Variants in RIPOR3 observed in about 807,000 individuals in gnomAD.
RIPOR3 encodes family with sequence similarity 65 member C.
RIPOR3 carries 95 observed loss-of-function variants against 114.3 expected under a neutral mutation model. That is an observed-to-expected ratio of 0.83 (90% CI 0.70 to 0.99). RIPOR3 has a LOEUF of 0.99. Among genes scored for constraint, RIPOR3 ranks in the 50% least tolerant of loss-of-function variants. The pLI is 0.00. For missense variants in RIPOR3, 1,252 were observed against 1,266.9 expected, an observed-to-expected ratio of 0.99 and a Z score of 0.18; for synonymous variants, 575 against 543.8, an observed-to-expected ratio of 1.06 and a Z score of -0.80.
chr20:50,619,256 G>C (rs1228015015), intron 3 of RIPOR3, among the ~76,000 whole-genome samples: 1 of 150,620 alleles, frequency 6.6e-6, no homozygotes, highest in African/African-American at 2.4e-5. Context: ...TGGGCAACAA[G>C]AGCAAAACTC....
chr20:50,608,782 TC>T (rs1568850921), intron 9 of RIPOR3, 44 bp from the exon 10 acceptor site: 2 of 1,612,476 alleles, frequency 1.2e-6, no homozygotes, highest in African/African-American at 2.7e-5. Flanking sequence ...CAGGTGGGTG[TC>T]CCCTTGCTGT....
At chr20:50,587,590 C>T (rs35594732) in intron 21 of RIPOR3, among the ~76,000 whole-genome samples, 71 of 152,318 alleles carry the variant, frequency 4.7e-4, no homozygotes, top group African/African-American at 1.6e-3. Flanking sequence ...AAGAAGACAG[C>T]GAACACTCCC....
intron 1 of RIPOR3, among the ~76,000 whole-genome samples, chr20:50,688,170 A>G (rs943854929): frequency 4.6e-5 from 7 of 152,064 alleles, no homozygotes; most frequent in African/African-American, 1.7e-4. Flanking sequence ...TATTTTTTTG[A>G]GACAGTGTCT....
chr20:50,667,724 T>G (rs750351884), intron 1 of RIPOR3, among the ~76,000 whole-genome samples: 6 of 152,156 alleles, frequency 3.9e-5, no homozygotes, highest in Admixed American at 1.3e-4. Context: ...CCCTTGAAGC[T>G]TTTCCTAGAG....
At chr20:50,650,151 C>T (rs545391477) in intron 1 of RIPOR3, among the ~76,000 whole-genome samples, 1 of 152,248 alleles carries the variant, frequency 6.6e-6, no homozygotes, top group African/African-American at 2.4e-5. Flanking sequence ...CCTCTCATTT[C>T]ATCCCCACGT....
intron 6 of RIPOR3, among the ~76,000 whole-genome samples, chr20:50,610,003 CCCTGCCTCA>C (rs1568854682): frequency 9.8e-5 from 12 of 122,862 alleles, no homozygotes; most frequent in African/African-American, 3.0e-4. Flanking sequence ...CACCTGCCAC[CCCTGCCTCA>C]CCTGCCACCC....
At chr20:50,599,673 G>A (rs2083429633) in intron 13 of RIPOR3, among the ~76,000 whole-genome samples, 1 of 152,146 alleles carries the variant, frequency 6.6e-6, no homozygotes, top group Non-Finnish European at 1.5e-5. Context: ...ATTGAAACAG[G>A]AAGGCAAAGC....
In RIPOR3 at chr20:50,594,695, C is replaced by A; in HGVS notation, c.2070G>T (p.Arg690=). The change falls in exon 17 of 22, where the codon CGG becomes CGT. Residue 690 remains arginine (R), a synonymous_variant. Coordinates refer to ENST00000327979, the MANE Select transcript of RIPOR3 (RefSeq NM_001290268.2). ...SIEEIIPQAS[R]TKGCLKLWRG... is the part of the protein sequence containing the mutation. Reference sequence around the variant, plus strand: ...TCCACAGCTTCAGGCACCCCTTCGTCCGCGAGGCCTGTGGGATGACTGAAA... The same window carrying A: ...TCCACAGCTTCAGGCACCCCTTCGTACGCGAGGCCTGTGGGATGACTGAAA... 6.2e-7 allele frequency: 1 copy of A among 1,611,856 alleles called. No individual in the cohort carries two copies. Among genetic ancestry groups the A allele is most frequent in the South Asian group, 1.1e-5 (1 of 91,022 alleles).
chr20:50,660,652 C>T (rs1248065512), intron 1 of RIPOR3, among the ~76,000 whole-genome samples: 2 of 152,130 alleles, frequency 1.3e-5, no homozygotes, highest in East Asian at 3.9e-4. Context: ...GAGACAAACA[C>T]CCCCTATCCA....
chr20:50,602,424 A>C lies in RIPOR3; in HGVS notation c.1307T>G (p.Phe436Cys). Residue 436 changes from phenylalanine to cysteine, a missense_variant, in exon 13 of 22, where the codon TTC (phenylalanine) becomes TGC (cysteine). Transcript: ENST00000327979. The surrounding 1 kb of genome is among the most constrained non-coding windows in gnomAD (Gnocchi z 4.3). ...CTCTTCAATGGAGGCGTGGGGACCG[A>C]AGGTCAAGGGCAGGAAGCCCACATC... ...TSDVGFLPLT[F>C]GPHASIEEEA... is the part of the protein sequence containing the mutation. 1 of 1,600,838 alleles carries C rather than the reference A, an allele frequency of 6.2e-7. No homozygotes were observed. The highest frequency in any genetic ancestry group is 1.1e-5 in the South Asian group (1 of 90,174).
intron 1 of RIPOR3, among the ~76,000 whole-genome samples, chr20:50,634,639 C>T (rs540907743): frequency 6.6e-6 from 1 of 152,340 alleles, no homozygotes; most frequent in Admixed American, 6.5e-5. Flanking sequence ...GGCTGTGCAG[C>T]CCAAGAGGAA....
intron 1 of RIPOR3, among the ~76,000 whole-genome samples, chr20:50,659,552 C>T (rs1393699976): frequency 3.4e-5 from 5 of 148,164 alleles, no homozygotes; most frequent in South Asian, 2.1e-4. Flanking sequence ...GAGGCTGAGG[C>T]GGAAGAATCA....
chr20:50,624,456 C>T (rs563204827), intron 2 of RIPOR3, among the ~76,000 whole-genome samples: 111 of 152,320 alleles, frequency 7.3e-4, no homozygotes, highest in Admixed American at 6.2e-3. Flanking sequence ...CTTATACCCT[C>T]GCTGCTGCAG....
chr20:50,634,666 C>T (rs1251231093), intron 1 of RIPOR3, among the ~76,000 whole-genome samples: 1 of 152,244 alleles, frequency 6.6e-6, no homozygotes, highest in Non-Finnish European at 1.5e-5. Flanking sequence ...GGAATAATAA[C>T]AGTAATACTA....
chr20:50,675,440 G>A (rs1284803186), intron 1 of RIPOR3, among the ~76,000 whole-genome samples: 1 of 152,198 alleles, frequency 6.6e-6, no homozygotes, highest in Non-Finnish European at 1.5e-5. Flanking sequence ...CCATGTTACA[G>A]AGAGAGTGAT....
intron 17 of RIPOR3, among the ~76,000 whole-genome samples, chr20:50,594,114 CA>C (rs936890795): frequency 2.0e-5 from 3 of 151,772 alleles, no homozygotes; most frequent in African/African-American, 7.3e-5. Flanking sequence ...ACTAAAAATA[CA>C]AAAAAAGAAA....
At position 50,608,650 on chromosome 20, in the gene RIPOR3, G is replaced by T. The variant is rs759386319; in HGVS notation, c.773C>A (p.Ala258Asp). The T allele has an allele frequency of 1.9e-6, 3 of 1,613,926 alleles. No homozygotes were observed. Among genetic ancestry groups the T allele is most frequent in the Non-Finnish European group, 2.5e-6 (3 of 1,179,926 alleles). Residue 258 changes from alanine to aspartate, a missense_variant, in exon 10 of 22, where the codon GCC becomes GAC. Coordinates refer to ENST00000327979, the MANE Select transcript of RIPOR3 (RefSeq NM_001290268.2). ...GTTCTCATGCAGCGTGGGGATGAAG[G>T]CCTTCTCCTCTTCGTCCCAGGTCTG... is the stretch of plus-strand genomic sequence containing the variant. ...DSQTWDEEEKAFIPTLHENLD... is the reference protein window; with the variant it reads ...DSQTWDEEEKDFIPTLHENLD...
At chr20:50,683,896 C>T (rs1253939605) in intron 1 of RIPOR3, among the ~76,000 whole-genome samples, 2 of 151,954 alleles carry the variant, frequency 1.3e-5, no homozygotes, top group African/African-American at 4.8e-5. Flanking sequence ...ACGTGGCCAA[C>T]ATAGCAAAAC....
intron 1 of RIPOR3, 31 bp downstream of exon 1, chr20:50,691,095 C>T: frequency 7.8e-7 from 1 of 1,289,508 alleles, no homozygotes. Flanking sequence ...GGCGTCACGG[C>T]ACACATGGGG....
Sources: gnomAD v4.1 joint callset for allele counts (sites outside exome capture counted in the v4.1 genomes callset) on GRCh38, gnomAD v4.1.1 for gene constraint, Gnocchi (gnomAD v3.1) non-coding constraint, MANE v1.5 for transcripts, NCBI Gene and HGNC (gene_info 2026-07-23, HGNC 2026-07-21) for gene names.